TENM3: variants seen among roughly 807,000 people sequenced by gnomAD.
The protein encoded by TENM3 is teneurin transmembrane protein 3.
Under a neutral mutation model 255.1 loss-of-function variants are expected in TENM3, and 63 were observed. The ratio of observed to expected loss-of-function variants is 0.25; its 90% CI spans 0.20 to 0.30. The LOEUF is 0.30. TENM3 is among the 10% of genes least tolerant of loss of function. The pLI is 1.00. For missense variants in TENM3, 2,929 were observed against 3,461.1 expected (o/e 0.85, Z 3.86); for synonymous variants, 1,306 against 1,322.3 (o/e 0.99, Z 0.27).
At chr4:181,808,938 A>G in the TENM3 span, among the ~76,000 whole-genome samples, 1 of 152,246 alleles carries the variant, frequency 6.6e-6, no homozygotes, top group African/African-American at 2.4e-5. Context: ...CAATTGGACA[A>G]GGAAGTTCCT....
chr4:182,571,397 G>A (rs1453313481), intron 3 of TENM3, among the ~76,000 whole-genome samples: 1 of 152,088 alleles, frequency 6.6e-6, no homozygotes, highest in Non-Finnish European at 1.5e-5. Flanking sequence ...ATGGTGACAT[G>A]TGCCTGTAGT....
chr4:181,740,244 A>G, the TENM3 span, among the ~76,000 whole-genome samples: 346 of 152,272 alleles, frequency 2.3e-3, 3 homozygotes, highest in Non-Finnish European at 3.7e-3. Flanking sequence ...AAATTATACT[A>G]TATTAGATTT....
chr4:182,340,160 A>G (rs1764395891), intron 2 of TENM3, among the ~76,000 whole-genome samples: 1 of 152,252 alleles, frequency 6.6e-6, no homozygotes, highest in East Asian at 1.9e-4. Context: ...GGGGCCATTC[A>G]TTCTAGTCCT....
At chr4:182,672,191 C>A (rs140512586) in intron 6 of TENM3, among the ~76,000 whole-genome samples, 77 of 152,232 alleles carry the variant, frequency 5.1e-4, no homozygotes, top group African/African-American at 1.8e-3. Flanking sequence ...AAAGAGGAGT[C>A]TTGGATCTGT....
chr4:181,543,396 G>C, the TENM3 span, among the ~76,000 whole-genome samples: 1 of 152,086 alleles, frequency 6.6e-6, no homozygotes, highest in Non-Finnish European at 1.5e-5. Context: ...GGTGGCAGAT[G>C]AACAAAAATA....
the TENM3 span, among the ~76,000 whole-genome samples, chr4:181,458,782 G>A: frequency 6.6e-6 from 1 of 151,834 alleles, no homozygotes; most frequent in African/African-American, 2.4e-5. Flanking sequence ...TATATGTGTT[G>A]TATTTATTCA....
chr4:182,031,676 A>G, the TENM3 span, among the ~76,000 whole-genome samples: 1 of 152,246 alleles, frequency 6.6e-6, no homozygotes, highest in South Asian at 2.1e-4. Context: ...GATTCTTCCT[A>G]TCCATGAAGA....
intron 1 of TENM3, among the ~76,000 whole-genome samples, chr4:182,301,974 G>A (rs1346038403): frequency 6.6e-6 from 1 of 152,036 alleles, no homozygotes; most frequent in Non-Finnish European, 1.5e-5. Flanking sequence ...CCATATCATG[G>A]GAAAAATACT....
the TENM3 span, among the ~76,000 whole-genome samples, chr4:181,479,133 T>A: frequency 1.3e-5 from 2 of 152,196 alleles, no homozygotes; most frequent in African/African-American, 4.8e-5. Flanking sequence ...TTTAAATGAT[T>A]GAGGAAAATA....
the TENM3 span, among the ~76,000 whole-genome samples, chr4:181,451,885 A>G: frequency 2.0e-5 from 3 of 152,160 alleles, no homozygotes. Flanking sequence ...ATAGTGAATG[A>G]GATTGCTCAA....
At chr4:182,013,156 TC>T in the TENM3 span, among the ~76,000 whole-genome samples, 1 of 152,144 alleles carries the variant, frequency 6.6e-6, no homozygotes, top group African/African-American at 2.4e-5. Context: ...TCCCAAGTCT[TC>T]CAATCTCAGT....
At chr4:181,801,529 CTT>C in the TENM3 span, among the ~76,000 whole-genome samples, 14 of 151,936 alleles carry the variant, frequency 9.2e-5, no homozygotes, top group South Asian at 2.9e-3. Context: ...GTGTGTTATA[CTT>C]TTATTAAAAT....
chr4:181,612,173 A>G, the TENM3 span, among the ~76,000 whole-genome samples: 1 of 152,184 alleles, frequency 6.6e-6, no homozygotes, highest in African/African-American at 2.4e-5. Context: ...AGTTTCATTC[A>G]TCATTTCAGA....
the TENM3 span, among the ~76,000 whole-genome samples, chr4:181,624,672 A>G: frequency 6.6e-6 from 1 of 152,360 alleles, no homozygotes; most frequent in South Asian, 2.1e-4. Context: ...GATTTTCTCT[A>G]TGCTTTCTCC....
chr4:182,160,012 CT>C (rs71605052), intron 1 of TENM3, among the ~76,000 whole-genome samples: 1 of 151,096 alleles, frequency 6.6e-6, no homozygotes, highest in Non-Finnish European at 1.5e-5. Context: ...TATTCCGGTT[CT>C]TTTTTTTGAG....
At chr4:182,271,488 C>T (rs925431162) in intron 1 of TENM3, among the ~76,000 whole-genome samples, 1 of 152,110 alleles carries the variant, frequency 6.6e-6, no homozygotes, top group African/African-American at 2.4e-5. Flanking sequence ...TCCAGTTGTG[C>T]ATTTCAATTC....
the TENM3 span, among the ~76,000 whole-genome samples, chr4:181,521,061 C>T: frequency 2.0e-5 from 3 of 152,188 alleles, no homozygotes; most frequent in Admixed American, 6.5e-5. Flanking sequence ...TACAGCTCTC[C>T]TCAATGGGAA....
the TENM3 span, among the ~76,000 whole-genome samples, chr4:181,718,030 C>T: frequency 6.6e-6 from 1 of 152,264 alleles, no homozygotes; most frequent in Admixed American, 6.5e-5. Context: ...TAACTGAGAA[C>T]ACTGGGCTGT....
chr4:181,864,445 A>G, the TENM3 span, among the ~76,000 whole-genome samples: 1 of 152,136 alleles, frequency 6.6e-6, no homozygotes, highest in Non-Finnish European at 1.5e-5. Flanking sequence ...AGAGAGAGAG[A>G]GAGAAAGCAA....
Sources: gnomAD v4.1 joint callset for allele counts (sites outside exome capture counted in the v4.1 genomes callset) on GRCh38, gnomAD v4.1.1 for gene constraint, MANE v1.5 for transcripts, NCBI Gene and HGNC (gene_info 2026-07-23, HGNC 2026-07-21) for gene names.